Variants in SLC5A1 observed in about 807,000 individuals in gnomAD.
SLC5A1 encodes solute carrier family 5 member 1, also known as sodium/glucose cotransporter 1.
A neutral mutation model predicts 73.5 loss-of-function variants in SLC5A1; 42 were observed. That is an observed-to-expected ratio of 0.57 (90% CI 0.45 to 0.74). The LOEUF (loss-of-function observed/expected upper bound fraction) is 0.74. Among genes scored for constraint, SLC5A1 ranks in the 30% least tolerant of loss-of-function variants. The pLI is 0.00. For missense variants in SLC5A1, 634 were observed against 855.4 expected (o/e 0.74, Z 3.23); for synonymous variants, 300 against 317.4 (o/e 0.95, Z 0.58).
intron 7 of SLC5A1, among the ~76,000 whole-genome samples, chr22:32,083,376 A>G (rs1422805389): frequency 6.6e-6 from 1 of 152,044 alleles, no homozygotes; most frequent in African/African-American, 2.4e-5. Context: ...CTGGTCCTGG[A>G]TTTTCTGCTG....
At chr22:32,109,870 T>G in intron 14 of SLC5A1, 120 bp from the exon 15 acceptor site, 1 of 743,532 alleles carries the variant, frequency 1.3e-6, no homozygotes, top group Non-Finnish European at 2.3e-6. Context: ...TTGGGGAAAT[T>G]TCTCATTTTT....
At chr22:32,047,637 A>C (rs1351572774) in intron 1 of SLC5A1, among the ~76,000 whole-genome samples, 2 of 152,168 alleles carry the variant, frequency 1.3e-5, no homozygotes, top group Non-Finnish European at 2.9e-5. Flanking sequence ...GGGGGTGCTC[A>C]AGAAATCTAT....
chr22:32,092,861 C>T (rs79185824), intron 11 of SLC5A1, among the ~76,000 whole-genome samples: 5,680 of 152,216 alleles, frequency 0.037, 194 homozygotes, highest in African/African-American at 0.083. Flanking sequence ...GGTTCTTGGT[C>T]GTGAACTCTT....
rs1196545213 is a variant in SLC5A1 at position 32,043,847 on chromosome 22, C to T, written c.135+431C>T. On this transcript the variant is annotated intron_variant, in intron 1 of 14. Coordinates refer to ENST00000266088, the MANE Select transcript of SLC5A1 (RefSeq NM_000343.4). The surrounding 1 kb of genome is among the most constrained non-coding windows in gnomAD (Gnocchi z 6.5). ...GAAATGGTGTGGAGTGGGAAAGCCA[C>T]AGCCTCTGCCAGCCCCAGAGATGGG... 6.6e-6 allele frequency among the ~76,000 whole-genome samples: 1 copy of T among 152,210 alleles called. No homozygotes were observed. Among genetic ancestry groups the T allele is most frequent in the Non-Finnish European group, 1.5e-5 (1 of 68,042 alleles).
In SLC5A1 at chr22:32,043,316, C is replaced by T. The variant is rs150288967; in HGVS notation, c.35C>T (p.Ala12Val). 1,062 of 1,614,188 alleles carry T rather than the reference C, an allele frequency of 6.6e-4. 7 individuals are homozygous for T. Among genetic ancestry groups the T allele is most frequent in the Middle Eastern group, 1.8e-3 (11 of 6,062 alleles). Residue 12 changes from alanine (A) to valine (V), a missense_variant, in exon 1 of 15, where the codon GCG becomes GTG. Ala to Val is a moderately conservative substitution (Grantham distance 64). Coordinates refer to ENST00000266088, the MANE Select transcript of SLC5A1 (RefSeq NM_000343.4). This position sits in a 1 kb window ranked among gnomAD's most constrained non-coding sequence, Gnocchi z 6.5. ...AGCACCTGGAGCCCCAAGACCACCGCGGTCACCCGGCCTGTTGAGACCCAC... is the reference window on the plus strand; with the variant it reads ...AGCACCTGGAGCCCCAAGACCACCGTGGTCACCCGGCCTGTTGAGACCCAC... ...DSSTWSPKTT[A>V]VTRPVETHEL...
At chr22:32,056,367 A>C (rs1362074618) in intron 2 of SLC5A1, among the ~76,000 whole-genome samples, 1 of 150,786 alleles carries the variant, frequency 6.6e-6, no homozygotes, top group African/African-American at 2.4e-5. Flanking sequence ...GGGTTGCCAG[A>C]TTTCACAAAT....
intron 2 of SLC5A1, among the ~76,000 whole-genome samples, chr22:32,062,449 C>T (rs189194946): frequency 6.6e-6 from 1 of 152,298 alleles, no homozygotes; most frequent in East Asian, 1.9e-4. Context: ...TGCTCTCAGA[C>T]CTGTTGGGTT....
intron 5 of SLC5A1, among the ~76,000 whole-genome samples, chr22:32,068,908 C>G (rs2093978504): frequency 6.6e-6 from 1 of 152,046 alleles, no homozygotes; most frequent in African/African-American, 2.4e-5. Context: ...AATCTCACTA[C>G]TGGGTATATA....
intron 12 of SLC5A1, among the ~76,000 whole-genome samples, 157 bp downstream of exon 12, chr22:32,099,508 TG>T (rs1569316425): frequency 6.6e-6 from 1 of 151,090 alleles, no homozygotes; most frequent in African/African-American, 2.4e-5. Context: ...CCAGGGACCA[TG>T]GGGCTCTCTG....
intron 10 of SLC5A1, among the ~76,000 whole-genome samples, chr22:32,088,336 C>CTTT (rs5844962): frequency 2.0e-4 from 27 of 134,738 alleles, no homozygotes; most frequent in South Asian, 7.1e-4. Context: ...TACTGCATTC[C>CTTT]TTTTTTTTTT....
chr22:32,084,296 G>T, intron 7 of SLC5A1, 143 bp from the exon 8 acceptor site: 1 of 728,118 alleles, frequency 1.4e-6, no homozygotes, highest in Non-Finnish European at 2.5e-6. Flanking sequence ...GGCCCAGAAT[G>T]GGAAGGTGAT....
chr22:32,094,514 C>T (rs1238484162), intron 11 of SLC5A1, among the ~76,000 whole-genome samples: 3 of 152,106 alleles, frequency 2.0e-5, no homozygotes, highest in East Asian at 1.9e-4. Context: ...ATTTCAACTT[C>T]GCTGCTTGCT....
At chr22:32,060,152 C>T (rs1001959092) in intron 2 of SLC5A1, among the ~76,000 whole-genome samples, 781 of 29,874 alleles carry the variant, frequency 0.026, 12 homozygotes, top group East Asian at 0.077. Context: ...CATACACACA[C>T]ACACACACAC....
At chr22:32,099,101 AAAAAATATATATATAT>A in intron 11 of SLC5A1, 66 bp from the exon 12 acceptor site, 2 of 129,874 alleles carry the variant, frequency 1.5e-5, no homozygotes, top group Non-Finnish European at 1.2e-5. Context: ...AAAAAAAAAA[AAAAAATATATATATAT>A]ATATATATAT....
At chr22:32,087,423 G>T (rs2094010034) in intron 10 of SLC5A1, among the ~76,000 whole-genome samples, 1 of 152,102 alleles carries the variant, frequency 6.6e-6, no homozygotes, top group East Asian at 1.9e-4. Flanking sequence ...TTAAAATGAA[G>T]GCTTGAACTA....
intron 10 of SLC5A1, 88 bp from the exon 11 acceptor site, chr22:32,091,524 C>T: frequency 6.7e-7 from 1 of 1,481,810 alleles, no homozygotes; most frequent in Non-Finnish European, 9.4e-7. Context: ...TTTCAGAAGG[C>T]AAACAAATCT....
rs1603097078 is a variant in SLC5A1 at position 32,043,410 on chromosome 22, A to G, written c.129A>G (p.Gly43=). ...ACTTCGTGGTAGTGATGGCCGTCGG[A>G]CTGTGGGTATGCAGCGGGTTCTGGG... ...VIYFVVVMAV[G]LWAMFSTNRG... The change falls in exon 1 of 15, where the codon GGA becomes GGG. Residue 43 remains glycine, a synonymous_variant. Transcript: ENST00000266088. This position sits in a 1 kb window ranked among gnomAD's most constrained non-coding sequence, Gnocchi z 6.5. 6.2e-7 allele frequency: 1 copy of G among 1,613,816 alleles called. No individual in the cohort carries two copies. The highest frequency in any genetic ancestry group is 8.5e-7 in the Non-Finnish European group (1 of 1,179,908).
intron 5 of SLC5A1, among the ~76,000 whole-genome samples, chr22:32,077,331 TCCC>T (rs1458021275): frequency 1.4e-5 from 2 of 143,072 alleles, no homozygotes; most frequent in African/African-American, 2.6e-5. Context: ...CCTTCCTCTC[TCCC>T]CCTTTTTTCA....
rs947701089 is a variant in SLC5A1 at position 32,111,962 on chromosome 22, A to T, written c.*1749A>T. On this transcript the variant is annotated 3_prime_UTR_variant, in exon 15 of 15. Transcript: ENST00000266088. The stretch of plus-strand genomic sequence containing the variant: ...AAGCAGAAGCTGCTTTGACCGTGAA[A>T]ATATTTGACTCCTATCAGTTTTTGG... The T allele has an allele frequency of 6.6e-6, 1 of 152,122 alleles. No individual in the cohort carries two copies. Among genetic ancestry groups the T allele is most frequent in the Non-Finnish European group, 1.5e-5 (1 of 68,024 alleles). The allele number at this position is 152,122 out of a possible 1,614,324, so 9.4% of individuals were successfully genotyped here.
Sources: gnomAD v4.1 joint callset for allele counts (sites outside exome capture counted in the v4.1 genomes callset) on GRCh38, gnomAD v4.1.1 for gene constraint, Gnocchi (gnomAD v3.1) non-coding constraint, MANE v1.5 for transcripts, NCBI Gene and HGNC (gene_info 2026-07-23, HGNC 2026-07-21) for gene names.